Variants in AP2B1 observed in about 807,000 individuals in gnomAD.
The protein encoded by AP2B1 is AP-2 complex subunit beta.
AP2B1 carries 23 observed loss-of-function variants against 102.0 expected under a neutral mutation model. That is an observed-to-expected ratio of 0.23 (90% confidence interval 0.16 to 0.32). The LOEUF is 0.32. Among genes scored for constraint, AP2B1 ranks in the 10% least tolerant of loss-of-function variants. AP2B1 has a pLI of 1.00. For synonymous variants in AP2B1, 381 were observed against 421.2 expected (o/e 0.90, Z 1.17); for missense variants, 541 against 1,157.4 (o/e 0.47, Z 7.73).
At chr17:35,619,880 G>A (rs143949131) in intron 5 of AP2B1, among the ~76,000 whole-genome samples, 3 of 152,248 alleles carry the variant, frequency 2.0e-5, no homozygotes, top group East Asian at 1.9e-4. Flanking sequence ...TGCCTCGCAT[G>A]TTCAAGTGAT....
At position 35,709,668 on chromosome 17, in the gene AP2B1, G is replaced by A. The variant is rs78392320; in HGVS notation, c.2539+360G>A. Among the ~76,000 whole-genome samples, 3 of 152,148 alleles carry A rather than the reference G, an allele frequency of 2.0e-5. No individual in the cohort carries two copies. The East Asian group carries it at 5.8e-4, about 29-fold the overall frequency. ...GAACTTCCGCTTCCAAATTTGCAGT[G>A]TAAATAATTTTTATAATTATTTCAT... On this transcript the variant is annotated intron_variant, in intron 19 of 21. Transcript: ENST00000610402.
chr17:35,701,837 C>T (rs2076245139), intron 18 of AP2B1, among the ~76,000 whole-genome samples: 1 of 152,150 alleles, frequency 6.6e-6, no homozygotes, highest in Non-Finnish European at 1.5e-5. Context: ...AAGCTTGTCT[C>T]GAACTCCTGG....
At position 35,608,505 on chromosome 17, in the gene AP2B1, T is replaced by C. The variant is rs1294882637; in HGVS notation, c.525+118T>C. 1.7e-5 allele frequency: 21 copies of C among 1,211,704 alleles called. No individual in the cohort carries two copies. In the African/African-American group the frequency reaches 2.3e-4, roughly 13 times the overall value. 75.1% of individuals were successfully genotyped at this position (1,211,704 alleles called of 1,614,324 possible). On this transcript the variant is annotated intron_variant, in intron 5 of 21. Coordinates refer to ENST00000610402, the MANE Select transcript of AP2B1 (RefSeq NM_001030006.2). Reference sequence around the variant, plus strand: ...GGTTATGGGGTAGCTATGGGAAACATGACTTTGTGTGTCTCACAGATTGTA... The same window carrying C: ...GGTTATGGGGTAGCTATGGGAAACACGACTTTGTGTGTCTCACAGATTGTA...
chr17:35,594,184 A>G (rs1336809625), intron 2 of AP2B1, 117 bp downstream of exon 2: 4 of 605,594 alleles, frequency 6.6e-6, no homozygotes, highest in Non-Finnish European at 1.1e-5. Context: ...TGACAATCTC[A>G]CTGGACATCT....
intron 18 of AP2B1, among the ~76,000 whole-genome samples, chr17:35,696,287 G>A (rs187092828): frequency 2.1e-4 from 32 of 151,636 alleles, no homozygotes; most frequent in Non-Finnish European, 3.5e-4. Context: ...CTTACTTTAG[G>A]TTTTTACTAA....
At chr17:35,608,447 G>A in intron 5 of AP2B1, 60 bp downstream of exon 5, 14 of 1,590,002 alleles carry the variant, frequency 8.8e-6, no homozygotes, top group Middle Eastern at 1.7e-4. Context: ...TTGTTAAAGC[G>A]TGTTTAATAT....
chr17:35,718,627 C>G (rs944394193), intron 21 of AP2B1, among the ~76,000 whole-genome samples: 21 of 151,968 alleles, frequency 1.4e-4, no homozygotes, highest in African/African-American at 5.1e-4. Context: ...GCAGGAGGAT[C>G]ACTTGAGCCC....
At chr17:35,681,017 T>A (rs1303061771) in intron 17 of AP2B1, among the ~76,000 whole-genome samples, 1 of 152,194 alleles carries the variant, frequency 6.6e-6, no homozygotes, top group Non-Finnish European at 1.5e-5. Flanking sequence ...ATTTTATCCT[T>A]ATGCTTCTCA....
intron 5 of AP2B1, chr17:35,621,277 A>T: frequency 2.0e-6 from 2 of 984,668 alleles, no homozygotes; most frequent in Non-Finnish European, 2.4e-6. Context: ...GATACTTTAG[A>T]TTCAGTGCGA....
At chr17:35,593,796 T>G (rs950848532) in intron 1 of AP2B1, among the ~76,000 whole-genome samples, 1 of 152,216 alleles carries the variant, frequency 6.6e-6, no homozygotes, top group Non-Finnish European at 1.5e-5. Flanking sequence ...CCAGTTGCAT[T>G]TGGCCTTTAG....
At chr17:35,611,304 G>A (rs573714784) in intron 5 of AP2B1, among the ~76,000 whole-genome samples, 49 of 152,234 alleles carry the variant, frequency 3.2e-4, no homozygotes, top group Admixed American at 5.2e-4. Flanking sequence ...AATATTCAGT[G>A]GTGCTAAGAA....
chr17:35,667,933 A>ATTT (rs34486349), intron 14 of AP2B1, among the ~76,000 whole-genome samples: 157 of 120,164 alleles, frequency 1.3e-3, no homozygotes, highest in African/African-American at 1.8e-3. Flanking sequence ...CGCTGCTCAA[A>ATTT]TTTTTTTTTT....
At position 35,608,170 on chromosome 17, in the gene AP2B1, G is replaced by A. The variant is rs757180229; in HGVS notation, c.308G>A (p.Arg103Gln). 25 of 1,613,542 alleles carry A rather than the reference G, an allele frequency of 1.5e-5. No homozygotes were observed. The highest frequency in any genetic ancestry group is 1.9e-5 in the Non-Finnish European group (23 of 1,180,012). Residue 103 changes from arginine to glutamine, a missense_variant, in exon 5 of 22, where the codon CGA becomes CAA. Transcript: ENST00000610402. ...TGTGAAGATCCTAATCCTTTGATTC[G>A]AGCCTTGGCAGTCAGAACCATGGGG... ...KDCEDPNPLI[R>Q]ALAVRTMGCI... is the part of the protein sequence containing the mutation.
intron 18 of AP2B1, among the ~76,000 whole-genome samples, chr17:35,703,494 C>G (rs1385554968): frequency 6.6e-6 from 1 of 152,072 alleles, no homozygotes; most frequent in Non-Finnish European, 1.5e-5. Context: ...GAATACTATG[C>G]ACCCATAAAA....
intron 1 of AP2B1, among the ~76,000 whole-genome samples, chr17:35,589,878 AT>A (rs1024266747): frequency 1.1e-4 from 14 of 132,178 alleles, no homozygotes; most frequent in South Asian, 2.5e-4. Flanking sequence ...CAAATATTAG[AT>A]TTTTTTTTTC....
chr17:35,718,553 G>T (rs1222983819), intron 21 of AP2B1, among the ~76,000 whole-genome samples: 4 of 151,954 alleles, frequency 2.6e-5, no homozygotes, highest in Non-Finnish European at 4.4e-5. Context: ...TTTCTGGAGG[G>T]ACAAGTTTTA....
intron 12 of AP2B1, 25 bp downstream of exon 12, chr17:35,642,000 T>C: frequency 6.5e-7 from 1 of 1,540,018 alleles, no homozygotes; most frequent in Non-Finnish European, 9.0e-7. Context: ...AAAAGCAAGA[T>C]GTTGATTTGT....
chr17:35,673,196 C>T (rs968953331), intron 16 of AP2B1, among the ~76,000 whole-genome samples: 1 of 152,084 alleles, frequency 6.6e-6, no homozygotes, highest in Non-Finnish European at 1.5e-5. Flanking sequence ...CAGAACAGCT[C>T]ATGACTCCTG....
At chr17:35,678,118 C>T (rs541911939) in intron 17 of AP2B1, among the ~76,000 whole-genome samples, 6 of 152,054 alleles carry the variant, frequency 3.9e-5, no homozygotes, top group Non-Finnish European at 8.8e-5. Context: ...CCCTTGGCCT[C>T]CCAAAGTGCT....
Sources: gnomAD v4.1 joint callset for allele counts (sites outside exome capture counted in the v4.1 genomes callset) on GRCh38, gnomAD v4.1.1 for gene constraint, MANE v1.5 for transcripts, NCBI Gene and HGNC (gene_info 2026-07-23, HGNC 2026-07-21) for gene names.